CBFB: variants seen among roughly 807,000 people sequenced by gnomAD.
The protein encoded by CBFB is CBF-beta.
A neutral mutation model predicts 30.4 loss-of-function variants in CBFB; 9 were observed. The ratio of observed to expected loss-of-function variants is 0.30; its 90% CI spans 0.18 to 0.52. The LOEUF (loss-of-function observed/expected upper bound fraction) is 0.52. CBFB is among the 20% of genes least tolerant of loss of function. The probability of loss-of-function intolerance (pLI) is 0.97; values close to 1 mark genes in which losing one functional copy is unlikely to be tolerated. For synonymous variants in CBFB, 94 were observed against 84.0 expected (o/e 1.12, Z -0.65); for missense variants, 170 against 244.0 (o/e 0.70, Z 2.02).
At chr16:67,040,600 G>C (rs1966513188) in intron 3 of CBFB, among the ~76,000 whole-genome samples, 1 of 152,176 alleles carries the variant, frequency 6.6e-6, no homozygotes, top group Non-Finnish European at 1.5e-5. Flanking sequence ...TCATTCAGAA[G>C]GTCTTTGTTG....
At chr16:67,088,777 A>G (rs1961798486) in intron 5 of CBFB, among the ~76,000 whole-genome samples, 1 of 152,322 alleles carries the variant, frequency 6.6e-6, no homozygotes, top group East Asian at 1.9e-4. Flanking sequence ...ACAGAGGTTT[A>G]GGGATGTCCT....
At chr16:67,058,865 A>G (rs542610933) in intron 3 of CBFB, among the ~76,000 whole-genome samples, 1 of 152,352 alleles carries the variant, frequency 6.6e-6, no homozygotes, top group East Asian at 1.9e-4. Flanking sequence ...TCCAATCGAA[A>G]GGGATTTTTT....
chr16:67,078,396 A>G (rs1173020826), intron 4 of CBFB, among the ~76,000 whole-genome samples: 1 of 152,098 alleles, frequency 6.6e-6, no homozygotes, highest in East Asian at 1.9e-4. Context: ...TAAAAAATTT[A>G]AAAATTAGCT....
At chr16:67,092,419 A>G (rs148204500) in intron 5 of CBFB, among the ~76,000 whole-genome samples, 8 of 152,096 alleles carry the variant, frequency 5.3e-5, no homozygotes, top group African/African-American at 1.2e-4. Flanking sequence ...ATTAATGCCA[A>G]TTGTAAGTTA....
At chr16:67,037,140 G>T (rs550461694) in intron 3 of CBFB, among the ~76,000 whole-genome samples, 1 of 151,908 alleles carries the variant, frequency 6.6e-6, no homozygotes, top group Non-Finnish European at 1.5e-5. Context: ...CTTGTGATCC[G>T]CCCACCTCTG....
At chr16:67,062,966 T>G (rs1960952989) in intron 3 of CBFB, among the ~76,000 whole-genome samples, 1 of 152,168 alleles carries the variant, frequency 6.6e-6, no homozygotes, top group Non-Finnish European at 1.5e-5. Context: ...GGTGTGCTAA[T>G]AGGTGAAATG....
intron 4 of CBFB, among the ~76,000 whole-genome samples, chr16:67,077,467 G>A (rs1224972830): frequency 1.3e-5 from 2 of 152,182 alleles, no homozygotes; most frequent in East Asian, 3.8e-4. Flanking sequence ...AAAGTTACGT[G>A]CTACAGATTG....
chr16:67,098,504 T>C (rs776416330), intron 5 of CBFB, among the ~76,000 whole-genome samples: 4 of 152,186 alleles, frequency 2.6e-5, no homozygotes, highest in African/African-American at 9.7e-5. Context: ...AAAATGATTT[T>C]TATTCTTGAT....
intron 5 of CBFB, among the ~76,000 whole-genome samples, chr16:67,082,847 A>G (rs1216955339): frequency 1.3e-5 from 2 of 152,192 alleles, no homozygotes; most frequent in African/African-American, 4.8e-5. Flanking sequence ...AACAGAAATC[A>G]ACATTAACAA....
intron 2 of CBFB, among the ~76,000 whole-genome samples, chr16:67,036,166 A>G (rs1966437557): frequency 6.6e-6 from 1 of 152,184 alleles, no homozygotes; most frequent in African/African-American, 2.4e-5. Context: ...TTCCAAGTGC[A>G]TTTTTTATGT....
chr16:67,035,321 A>G (rs970047680), intron 2 of CBFB, among the ~76,000 whole-genome samples: 1 of 152,062 alleles, frequency 6.6e-6, no homozygotes, highest in Non-Finnish European at 1.5e-5. Context: ...CTGACCTCAG[A>G]TGGTCTACCT....
At chr16:67,030,556 G>A (rs1490113999) in intron 2 of CBFB, among the ~76,000 whole-genome samples, 2 of 152,092 alleles carry the variant, frequency 1.3e-5, no homozygotes, top group African/African-American at 4.8e-5. Context: ...TGTTGGAGGT[G>A]CTGATGAGGA....
intron 4 of CBFB, among the ~76,000 whole-genome samples, chr16:67,073,806 C>T (rs1016856139): frequency 4.2e-4 from 64 of 151,456 alleles, no homozygotes; most frequent in Admixed American, 3.1e-3. Flanking sequence ...AAAGCTGAGG[C>T]GGGCAAATCA....
intron 2 of CBFB, among the ~76,000 whole-genome samples, chr16:67,034,407 T>C (rs1966408082): frequency 6.7e-6 from 1 of 148,384 alleles, no homozygotes; most frequent in Non-Finnish European, 1.5e-5. Flanking sequence ...TTTCATTTTG[T>C]TTATTTTCGT....
intron 5 of CBFB, among the ~76,000 whole-genome samples, chr16:67,093,111 A>AAG (rs1196799287): frequency 1.3e-5 from 2 of 151,876 alleles, no homozygotes; most frequent in Non-Finnish European, 2.9e-5. Context: ...ATGCCCAACT[A>AAG]ATTTTTAAAA....
chr16:67,056,786 G>C (rs1410655951), intron 3 of CBFB, among the ~76,000 whole-genome samples: 4 of 151,798 alleles, frequency 2.6e-5, no homozygotes, highest in Non-Finnish European at 5.9e-5. Flanking sequence ...GGTTCAAGCA[G>C]GTCTCCTGCC....
intron 5 of CBFB, among the ~76,000 whole-genome samples, chr16:67,098,046 A>C (rs1597167244): frequency 6.6e-6 from 1 of 152,224 alleles, no homozygotes; most frequent in East Asian, 1.9e-4. Context: ...CTTCTAAGGC[A>C]CTTGGCTAAT....
intron 3 of CBFB, among the ~76,000 whole-genome samples, chr16:67,058,221 A>C (rs1359172871): frequency 6.6e-6 from 1 of 152,058 alleles, no homozygotes; most frequent in South Asian, 2.1e-4. Context: ...GCTCACTGCA[A>C]CTTCTGCCTC....
At chr16:67,030,109 G>A (rs1966309752) in intron 2 of CBFB, 2 of 348,076 alleles carry the variant, frequency 5.7e-6, no homozygotes, top group African/African-American at 2.2e-5. Context: ...CGGCGACACC[G>A]AAGAAGGGTT....
Sources: gnomAD v4.1 joint callset for allele counts (sites outside exome capture counted in the v4.1 genomes callset) on GRCh38, gnomAD v4.1.1 for gene constraint, MANE v1.5 for transcripts, NCBI Gene and HGNC (gene_info 2026-07-23, HGNC 2026-07-21) for gene names.